The following TRDN variants were observed in gnomAD, a reference collection of about 807,000 sequenced individuals.
TRDN encodes triadin, also known as triadin in skeletal muscle.
Under a neutral mutation model 149.7 loss-of-function variants are expected in TRDN, and 161 were observed. The ratio of observed to expected loss-of-function variants is 1.08; its 90% CI spans 0.95 to 1.23. The LOEUF (loss-of-function observed/expected upper bound fraction) is 1.23, where lower values mean the gene tolerates loss of function less well. TRDN is among the 50% of genes most tolerant of loss of function. The pLI, the probability that TRDN is intolerant of heterozygous loss-of-function variation, is 0.00. For synonymous variants in TRDN, 294 were observed against 250.5 expected, an observed-to-expected ratio of 1.17 and a Z score of -1.64; for missense variants, 896 against 823.5, an observed-to-expected ratio of 1.09 and a Z score of -1.08.
chr6:123,224,183 C>T, intron 38 of TRDN, 52 bp from the exon 39 acceptor site: 1 of 1,554,666 alleles, frequency 6.4e-7, no homozygotes, highest in Non-Finnish European at 8.8e-7. Flanking sequence ...TTCAGTTTTC[C>T]CAGAGGAAGT....
At chr6:123,223,418 C>T (rs1320017343) in intron 39 of TRDN, among the ~76,000 whole-genome samples, 2 of 151,742 alleles carry the variant, frequency 1.3e-5, no homozygotes, top group Middle Eastern at 3.2e-3. Context: ...CAAACATACA[C>T]ATGTACCCCT....
intron 26 of TRDN, 83 bp downstream of exon 26, chr6:123,278,235 A>AAT: frequency 1.1e-6 from 1 of 946,748 alleles, no homozygotes; most frequent in Non-Finnish European, 1.5e-6. Context: ...TATTTGTACT[A>AAT]GGACATGACA....
intron 32 of TRDN, among the ~76,000 whole-genome samples, chr6:123,266,794 A>G (rs950138878): frequency 1.5e-5 from 2 of 132,770 alleles, no homozygotes; most frequent in East Asian, 2.1e-4. Flanking sequence ...TATGTTATAT[A>G]TTATAATATA....
chr6:123,464,721 G>A, intron 10 of TRDN, 185 bp downstream of exon 10: 2 of 1,387,594 alleles, frequency 1.4e-6, no homozygotes, highest in Non-Finnish European at 1.9e-6. Flanking sequence ...AATCTTAAGG[G>A]GACATTTTTG....
intron 4 of TRDN, among the ~76,000 whole-genome samples, chr6:123,544,975 T>G (rs1406791978): frequency 1.3e-5 from 2 of 151,926 alleles, no homozygotes; most frequent in Non-Finnish European, 2.9e-5. Flanking sequence ...ACTTCAACCA[T>G]AAATAACAAA....
At chr6:123,260,452 T>C (rs370895687) in intron 34 of TRDN, among the ~76,000 whole-genome samples, 160 bp downstream of exon 34, 3 of 152,074 alleles carry the variant, frequency 2.0e-5, no homozygotes, top group East Asian at 3.9e-4. Flanking sequence ...TTACTCCTTA[T>C]AACAAGCCTT....
intron 32 of TRDN, 80 bp from the exon 33 acceptor site, chr6:123,265,418 C>T: frequency 1.1e-6 from 1 of 911,752 alleles, no homozygotes; most frequent in South Asian, 2.0e-5. Context: ...TTTATATTTC[C>T]TATTTTTGCT....
intron 22 of TRDN, among the ~76,000 whole-genome samples, chr6:123,337,377 T>A (rs945411309): frequency 2.0e-5 from 3 of 152,054 alleles, no homozygotes; most frequent in Non-Finnish European, 4.4e-5. Flanking sequence ...AAAACCTTTT[T>A]TCATTTTTCT....
At chr6:123,235,518 C>T (rs4481447) in intron 38 of TRDN, among the ~76,000 whole-genome samples, 60,747 of 151,916 alleles carry the variant, frequency 0.4, 13,070 homozygotes, top group Middle Eastern at 0.54. Context: ...TCTCAAAAAG[C>T]TATCTTTCAC....
chr6:123,348,327 T>C (rs1780336001), intron 21 of TRDN, among the ~76,000 whole-genome samples: 1 of 152,120 alleles, frequency 6.6e-6, no homozygotes, highest in Non-Finnish European at 1.5e-5. Flanking sequence ...TTACTTGACC[T>C]GAAATGTGTA....
intron 10 of TRDN, among the ~76,000 whole-genome samples, chr6:123,463,915 C>T (rs1325324384): frequency 2.0e-5 from 3 of 152,006 alleles, no homozygotes; most frequent in Admixed American, 2.0e-4. Context: ...AGCCAACGGG[C>T]AGTTGTTGAG....
In TRDN at chr6:123,615,846, G is replaced by A. The variant is rs112067378; in HGVS notation, c.22+20908C>T. On this transcript the variant is annotated intron_variant, in intron 1 of 40. Transcript: ENST00000334268. ...CTACTGTCCTACAGCATTGTAAAGT[G>A]ACTATAATTAACAACAATTTTTTGC... Among the ~76,000 whole-genome samples the A allele has an allele frequency of 1.1e-3, 174 of 152,230 alleles. 1 individual carries two copies. Among genetic ancestry groups the A allele is most frequent in the African/African-American group, 4.1e-3 (169 of 41,542 alleles).
chr6:123,467,306 T>A (rs372608919), intron 9 of TRDN, among the ~76,000 whole-genome samples: 12 of 148,088 alleles, frequency 8.1e-5, no homozygotes, highest in African/African-American at 2.7e-4. Flanking sequence ...AGGTGGAAGG[T>A]ATGTGGTAAA....
intron 4 of TRDN, among the ~76,000 whole-genome samples, chr6:123,540,516 G>GT (rs1420549751): frequency 2.0e-5 from 3 of 151,986 alleles, no homozygotes; most frequent in Non-Finnish European, 2.9e-5. Context: ...CAGAAAAAGT[G>GT]TTTTTTTGTT....
At chr6:123,427,113 A>G (rs79186608) in intron 12 of TRDN, among the ~76,000 whole-genome samples, 8 of 152,042 alleles carry the variant, frequency 5.3e-5, no homozygotes, top group Non-Finnish European at 1.0e-4. Flanking sequence ...TTATTTTTTT[A>G]GTGCCCTTGG....
intron 20 of TRDN, among the ~76,000 whole-genome samples, chr6:123,359,358 T>C (rs1454147990): frequency 6.6e-6 from 1 of 152,218 alleles, no homozygotes; most frequent in Non-Finnish European, 1.5e-5. Context: ...TGGGGCACTC[T>C]ATATGCCATT....
chr6:123,394,596 A>T (rs1206612383), intron 12 of TRDN, among the ~76,000 whole-genome samples: 8 of 152,110 alleles, frequency 5.3e-5, no homozygotes, highest in Non-Finnish European at 1.2e-4. Flanking sequence ...ATATATATTC[A>T]ATCTTTCATT....
intron 1 of TRDN, among the ~76,000 whole-genome samples, chr6:123,632,753 T>G (rs550231693): frequency 2.0e-5 from 3 of 152,090 alleles, no homozygotes; most frequent in Non-Finnish European, 4.4e-5. Context: ...ATGAGGTAAA[T>G]GCAGAAACAT....
intron 12 of TRDN, among the ~76,000 whole-genome samples, chr6:123,407,956 A>G (rs1172012220): frequency 6.6e-6 from 1 of 152,240 alleles, no homozygotes; most frequent in Non-Finnish European, 1.5e-5. Context: ...CATTAAGAGC[A>G]TAAGTCCTAG....
Sources: allele counts gnomAD v4.1 joint callset (sites outside exome capture counted in the v4.1 genomes callset), GRCh38; gene constraint gnomAD v4.1.1; transcripts MANE v1.5; gene names NCBI Gene and HGNC (gene_info 2026-07-23, HGNC 2026-07-21).